CERS4: variants seen among roughly 807,000 people sequenced by gnomAD.
CERS4 encodes ceramide synthase 4.
CERS4 carries 65 observed loss-of-function variants against 51.8 expected under a neutral mutation model. The ratio of observed to expected loss-of-function variants is 1.26; its 90% confidence interval spans 1.03 to 1.54. CERS4 has a LOEUF of 1.54. Ranked by LOEUF, CERS4 falls within the 40% of genes most tolerant of loss-of-function variation. The pLI is 0.00. For synonymous variants in CERS4, 228 were observed against 208.4 expected (o/e 1.09, Z -0.81); for missense variants, 563 against 500.4 (o/e 1.13, Z -1.19).
intron 2 of CERS4, among the ~76,000 whole-genome samples, chr19:8,224,104 T>TTA (rs1967676043): frequency 3.1e-5 from 2 of 65,480 alleles, no homozygotes; most frequent in African/African-American, 1.2e-4. Context: ...ACTCCGTCTT[T>TTA]AAAAAAAAAA....
At chr19:8,222,437 C>T (rs1040624248) in intron 2 of CERS4, among the ~76,000 whole-genome samples, 6 of 151,994 alleles carry the variant, frequency 3.9e-5, no homozygotes, top group African/African-American at 1.2e-4. Flanking sequence ...CTTCAGCCTC[C>T]GAGAAGTGCT....
At chr19:8,243,626 C>T (rs1486192904) in intron 2 of CERS4, among the ~76,000 whole-genome samples, 1 of 149,172 alleles carries the variant, frequency 6.7e-6, no homozygotes, top group Non-Finnish European at 1.5e-5. Flanking sequence ...CTTAGCCTGC[C>T]CCTTCATGTG....
At position 8,262,166 on chromosome 19, in the gene CERS4, G is replaced by A. The variant is rs1451209436; in HGVS notation, c.*57G>A. The A allele has an allele frequency of 7.1e-7, 1 of 1,406,818 alleles. No homozygotes were observed. The highest frequency in any genetic ancestry group is 9.2e-7 in the Non-Finnish European group (1 of 1,084,902). 87.1% of individuals were successfully genotyped at this position (1,406,818 alleles called of 1,614,324 possible). On this transcript the variant is annotated 3_prime_UTR_variant, in exon 12 of 12. Transcript: ENST00000251363. ...CCCGCCAGTGCCTTGGATATTTCTG[G>A]GGTGACTGGACTGGCGCCCCTGGGC... is the stretch of plus-strand genomic sequence containing the variant.
intron 2 of CERS4, among the ~76,000 whole-genome samples, chr19:8,230,401 G>A (rs118116843): frequency 0.049 from 7,402 of 152,074 alleles, 185 homozygotes; most frequent in Middle Eastern, 0.096. Context: ...TGTTGGCCAG[G>A]CTGGTTTCAA....
In CERS4 at chr19:8,254,788, C is replaced by T. The variant is rs998465274; in HGVS notation, c.291+172C>T. On this transcript the variant is annotated intron_variant, in intron 4 of 11. Transcript: ENST00000251363. ...ATTCCCTGGGAAAGGGCTCTACCCC[C>T]CAGCCTCCCTGGGAAACGACGCCCC... Among the ~76,000 whole-genome samples, 4 of 152,134 alleles carry T rather than the reference C, an allele frequency of 2.6e-5. No individual in the cohort carries two copies. The East Asian group carries it at 5.8e-4, about 22-fold the overall frequency.
intron 2 of CERS4, among the ~76,000 whole-genome samples, chr19:8,224,470 G>A (rs1209428784): frequency 2.0e-5 from 3 of 152,050 alleles, no homozygotes; most frequent in African/African-American, 7.2e-5. Flanking sequence ...GGAGAACCCA[G>A]GAGGGGAGTG....
At chr19:8,221,614 T>G (rs1041349640) in intron 2 of CERS4, among the ~76,000 whole-genome samples, 1 of 151,122 alleles carries the variant, frequency 6.6e-6, no homozygotes, top group African/African-American at 2.4e-5. Context: ...GGCACGATCT[T>G]GGCTCACTGT....
chr19:8,232,357 C>T (rs1968047871), intron 2 of CERS4, among the ~76,000 whole-genome samples: 1 of 151,956 alleles, frequency 6.6e-6, no homozygotes, highest in Non-Finnish European at 1.5e-5. Flanking sequence ...GTGGTGCAAT[C>T]TCGGCTCGCT....
chr19:8,220,846 G>C (rs11666913), intron 2 of CERS4, among the ~76,000 whole-genome samples: 44,647 of 150,418 alleles, frequency 0.3, 7,847 homozygotes, highest in Non-Finnish European at 0.41. Flanking sequence ...TTTTGAGACG[G>C]AGTCTCGCTC....
chr19:8,226,501 AG>A (rs1967793630), intron 2 of CERS4, among the ~76,000 whole-genome samples: 1 of 152,188 alleles, frequency 6.6e-6, no homozygotes, highest in African/African-American at 2.4e-5. Flanking sequence ...GGCAGATGTT[AG>A]AGCAGGTTGA....
At chr19:8,249,320 TTC>T (rs963704598) in intron 2 of CERS4, among the ~76,000 whole-genome samples, 18 of 152,046 alleles carry the variant, frequency 1.2e-4, no homozygotes, top group African/African-American at 4.3e-4. Context: ...CGAACAAACT[TTC>T]TGAGTGGGAA....
At chr19:8,251,016 C>G in intron 2 of CERS4, 60 bp from the exon 3 acceptor site, 1 of 1,510,372 alleles carries the variant, frequency 6.6e-7, no homozygotes, top group Non-Finnish European at 8.9e-7. Context: ...CTCTCAGGCC[C>G]CACTTGCCCC....
chr19:8,261,597 G>A, intron 10 of CERS4, 91 bp from the exon 11 acceptor site: 3 of 1,465,112 alleles, frequency 2.0e-6, no homozygotes, highest in Admixed American at 1.8e-5. Context: ...TGGTTATGGA[G>A]CAGGGAAGGC....
chr19:8,262,125 T>G lies in CERS4; in HGVS notation c.*16T>G. 6.9e-7 allele frequency: 1 copy of G among 1,440,192 alleles called. No individual in the cohort carries two copies. Among genetic ancestry groups the G allele is most frequent in the Non-Finnish European group, 9.1e-7 (1 of 1,099,018 alleles). 89.2% of individuals were successfully genotyped at this position (1,440,192 alleles called of 1,614,324 possible). On this transcript the variant is annotated 3_prime_UTR_variant, in exon 12 of 12. Transcript: ENST00000251363. ...AGCCACATAGCCGGGCGGGGCTGGC[T>G]GTAAGGGGTTGCCCCCCCGCCAGTG...
chr19:8,213,933 T>C (rs1365242802), intron 2 of CERS4, among the ~76,000 whole-genome samples: 2 of 152,106 alleles, frequency 1.3e-5, no homozygotes, highest in Non-Finnish European at 2.9e-5. Flanking sequence ...ACTACTGCAC[T>C]ACTGCACTCC....
intron 2 of CERS4, among the ~76,000 whole-genome samples, chr19:8,245,902 C>CAAAAAAAA (rs746017170): frequency 7.8e-5 from 6 of 76,936 alleles, no homozygotes; most frequent in Admixed American, 3.3e-4. Flanking sequence ...GCTTTGATGA[C>CAAAAAAAA]AAAAAAAAAA....
chr19:8,215,288 G>C (rs1967251350), intron 2 of CERS4, among the ~76,000 whole-genome samples: 1 of 152,070 alleles, frequency 6.6e-6, no homozygotes, highest in South Asian at 2.1e-4. Context: ...AGACCAGCGT[G>C]GCCAACATGG....
chr19:8,246,972 C>T (rs1968814855), intron 2 of CERS4, among the ~76,000 whole-genome samples: 1 of 152,062 alleles, frequency 6.6e-6, no homozygotes, highest in Admixed American at 6.6e-5. Flanking sequence ...TTGAGACCAG[C>T]CTGGCCAACA....
At chr19:8,237,632 C>T (rs1056405065) in intron 2 of CERS4, among the ~76,000 whole-genome samples, 3 of 152,046 alleles carry the variant, frequency 2.0e-5, no homozygotes, top group Non-Finnish European at 4.4e-5. Context: ...GGGTGGATCA[C>T]AAGGTCAGGA....
Sources: gnomAD v4.1 joint callset for allele counts (sites outside exome capture counted in the v4.1 genomes callset) on GRCh38, gnomAD v4.1.1 for gene constraint, MANE v1.5 for transcripts, NCBI Gene and HGNC (gene_info 2026-07-23, HGNC 2026-07-21) for gene names.